The following USP4 variants were observed in gnomAD, a reference collection of about 807,000 sequenced individuals.
USP4 encodes ubiquitin specific peptidase 4.
A neutral mutation model predicts 118.2 loss-of-function variants in USP4; 72 were observed. That is an observed-to-expected ratio of 0.61 (90% CI 0.50 to 0.74). The LOEUF (loss-of-function observed/expected upper bound fraction) is 0.74. USP4 is among the 30% of genes least tolerant of loss of function. USP4 has a pLI of 0.00. For missense variants in USP4, 1,037 were observed against 1,185.7 expected (o/e 0.87, Z 1.84); for synonymous variants, 415 against 440.4 (o/e 0.94, Z 0.72).
intron 6 of USP4, chr3:49,316,971 A>G: frequency 1.5e-6 from 1 of 657,798 alleles, no homozygotes; most frequent in Non-Finnish European, 2.7e-6. Context: ...CCCTCTTAGC[A>G]CCTGAGACAG....
chr3:49,310,680 T>G lies in USP4; in HGVS notation c.894A>C (p.Gln298His). The change falls in exon 8 of 22, where the codon CAA becomes CAC. Residue 298 changes from glutamine to histidine, a missense_variant. This residue lies in a region of USP4 where 487 missense variants were observed against 534.1 expected (regional missense o/e 0.91). Coordinates refer to ENST00000265560, the MANE Select transcript of USP4 (RefSeq NM_003363.4). The part of the protein sequence containing the change: ...NCQEPPSSHI[Q>H]PGLCGLGNLG... The stretch of plus-strand genomic sequence containing the variant: ...GGTTTCCAAGTCCACAGAGCCCAGG[T>G]TGTATATGAGAGGATGGTGGCTCCT... 1 of 1,614,162 alleles carries G rather than the reference T, an allele frequency of 6.2e-7. No homozygotes were observed. Among genetic ancestry groups the G allele is most frequent in the East Asian group, 2.2e-5 (1 of 44,880 alleles).
At chr3:49,322,018 CCT>C (rs1275339855) in intron 6 of USP4, among the ~76,000 whole-genome samples, 10 of 151,882 alleles carry the variant, frequency 6.6e-5, no homozygotes, top group African/African-American at 4.8e-5. Flanking sequence ...AAACAAAACC[CCT>C]GAGTGTATAA....
chr3:49,290,453 G>GA (rs1350908483), intron 15 of USP4, among the ~76,000 whole-genome samples: 4 of 152,166 alleles, frequency 2.6e-5, no homozygotes, highest in Admixed American at 6.6e-5. Context: ...CACTTTCTAG[G>GA]ACTGCATGTC....
intron 10 of USP4, among the ~76,000 whole-genome samples, chr3:49,301,549 A>G (rs1209428162): frequency 6.6e-6 from 1 of 152,084 alleles, no homozygotes; most frequent in Non-Finnish European, 1.5e-5. Flanking sequence ...TTTGCTGGGC[A>G]TGGTGGCACG....
chr3:49,295,288 C>CAAAAAAAAA (rs34296887), intron 13 of USP4, among the ~76,000 whole-genome samples: 3 of 11,944 alleles, frequency 2.5e-4, no homozygotes, highest in Admixed American at 9.9e-4. Context: ...GACTCCATCT[C>CAAAAAAAAA]AAAAAAAAAA....
At chr3:49,288,970 C>T (rs1414768197) in intron 15 of USP4, among the ~76,000 whole-genome samples, 5 of 151,992 alleles carry the variant, frequency 3.3e-5, no homozygotes, top group South Asian at 4.2e-4. Context: ...ATTAGCTGGG[C>T]GTGGTGGCAC....
chr3:49,324,139 C>T (rs185686004), intron 6 of USP4, among the ~76,000 whole-genome samples: 4 of 152,230 alleles, frequency 2.6e-5, no homozygotes, highest in Non-Finnish European at 5.9e-5. Context: ...GCTGAGATTA[C>T]AGGTACCTGC....
At chr3:49,316,872 C>G (rs1320225491) in intron 6 of USP4, 1 of 593,238 alleles carries the variant, frequency 1.7e-6, no homozygotes, top group Non-Finnish European at 3.0e-6. Flanking sequence ...CTAGAGCCCA[C>G]CCTCCCCATA....
chr3:49,330,304 G>C (rs1352196814), intron 2 of USP4, among the ~76,000 whole-genome samples: 1 of 152,006 alleles, frequency 6.6e-6, no homozygotes, highest in African/African-American at 2.4e-5. Context: ...AGAGCTCTTG[G>C]GTAACTAGGT....
At chr3:49,313,278 C>A (rs541408318) in intron 6 of USP4, among the ~76,000 whole-genome samples, 1 of 152,118 alleles carries the variant, frequency 6.6e-6, no homozygotes, top group South Asian at 2.1e-4. Context: ...TATAATCCCA[C>A]CTCTTTGGGA....
At position 49,298,569 on chromosome 3, in the gene USP4, C is replaced by T; in HGVS notation, c.1579G>A (p.Gly527Ser). The T allele has an allele frequency of 6.2e-7, 1 of 1,614,168 alleles. No homozygotes were observed. The highest frequency in any genetic ancestry group is 8.5e-7 in the Non-Finnish European group (1 of 1,180,016). Residue 527 changes from glycine (G) to serine (S), a missense_variant, in exon 12 of 22, where the codon GGC (glycine) becomes AGC (serine). Coordinates refer to ENST00000265560, the MANE Select transcript of USP4 (RefSeq NM_003363.4). ...CGCCTTACATTTTCTGCAGCAATGC[C>T]AGACAGCCTGGAGAGAGCCTCGCAC... ...DLCEALSRLS[G>S]IAAENMVVAD...
chr3:49,306,864 A>G (rs1002961011), intron 8 of USP4, among the ~76,000 whole-genome samples: 12 of 151,882 alleles, frequency 7.9e-5, no homozygotes, highest in African/African-American at 2.7e-4. Context: ...AGCTCACCGC[A>G]ACCTCTACCT....
intron 4 of USP4, 39 bp downstream of exon 4, chr3:49,325,680 C>CT (rs2047546250): frequency 6.2e-7 from 1 of 1,609,470 alleles, no homozygotes; most frequent in Non-Finnish European, 8.5e-7. Flanking sequence ...GTCCTACACT[C>CT]TCTCACCACA....
chr3:49,285,964 A>G, intron 16 of USP4, 134 bp downstream of exon 16: 1 of 811,144 alleles, frequency 1.2e-6, no homozygotes, highest in Middle Eastern at 3.6e-4. Flanking sequence ...GCTTCAAGCC[A>G]AGGGTCATAC....
intron 1 of USP4, among the ~76,000 whole-genome samples, chr3:49,337,495 T>C (rs941154381): frequency 3.9e-5 from 6 of 152,150 alleles, no homozygotes. Flanking sequence ...AGTGGCACAA[T>C]CATAGCTCTC....
At chr3:49,306,535 G>A (rs1370235746) in intron 8 of USP4, among the ~76,000 whole-genome samples, 1 of 151,718 alleles carries the variant, frequency 6.6e-6, no homozygotes, top group African/African-American at 2.4e-5. Context: ...AACGCTATTA[G>A]TTCTCTCCTA....
At chr3:49,308,442 C>A (rs1258604002) in intron 8 of USP4, among the ~76,000 whole-genome samples, 2 of 152,084 alleles carry the variant, frequency 1.3e-5, no homozygotes, top group Non-Finnish European at 2.9e-5. Context: ...GCCTCAGCCT[C>A]CCAAGTAGCT....
chr3:49,295,699 TGTGCGCGC>T (rs2047198106), intron 13 of USP4, among the ~76,000 whole-genome samples: 1 of 139,558 alleles, frequency 7.2e-6, no homozygotes, highest in Non-Finnish European at 1.5e-5. Flanking sequence ...CATATGCACG[TGTGCGCGC>T]GCGCGCGCAC....
intron 9 of USP4, among the ~76,000 whole-genome samples, chr3:49,304,278 T>C (rs1230583098): frequency 1.3e-5 from 2 of 152,174 alleles, no homozygotes; most frequent in Admixed American, 6.6e-5. Context: ...GCTCCATGAA[T>C]CCCAGTGGTA....
Sources: gnomAD v4.1 joint callset for allele counts (sites outside exome capture counted in the v4.1 genomes callset) on GRCh38, gnomAD v4.1.1 for gene constraint, gnomAD v4.1.1 regional missense constraint, MANE v1.5 for transcripts, NCBI Gene and HGNC (gene_info 2026-07-23, HGNC 2026-07-21) for gene names.